RAB31: variants seen among roughly 807,000 people sequenced by gnomAD.
The protein encoded by RAB31 is RAB31, member RAS oncogene family.
In RAB31, 21 loss-of-function variants were observed where a neutral mutation model predicts 25.6. That is an observed-to-expected ratio of 0.82 (90% CI 0.58 to 1.18). The LOEUF (loss-of-function observed/expected upper bound fraction) is 1.18, where lower values mean the gene tolerates loss of function less well. Among genes scored for constraint, RAB31 ranks in the 50% most tolerant of loss-of-function variants. The pLI is 0.00. For synonymous variants in RAB31, 87 were observed against 84.0 expected, an observed-to-expected ratio of 1.04 and a Z score of -0.20; for missense variants, 196 against 250.1, an observed-to-expected ratio of 0.78 and a Z score of 1.46.
At chr18:9,817,170 G>T (rs896717650) in intron 5 of RAB31, among the ~76,000 whole-genome samples, 1 of 152,070 alleles carries the variant, frequency 6.6e-6, no homozygotes. Flanking sequence ...GGTGAGGTGG[G>T]TGGGTAGAGA....
At chr18:9,825,767 A>G (rs1172189787) in intron 5 of RAB31, among the ~76,000 whole-genome samples, 1 of 152,214 alleles carries the variant, frequency 6.6e-6, no homozygotes, top group East Asian at 1.9e-4. Flanking sequence ...CTTCCTGGAG[A>G]ATGAAAACAA....
At chr18:9,780,843 A>G (rs2068399632) in intron 2 of RAB31, among the ~76,000 whole-genome samples, 1 of 152,192 alleles carries the variant, frequency 6.6e-6, no homozygotes, top group South Asian at 2.1e-4. Context: ...AGGTAGGAGA[A>G]TCGCTCGAAC....
At chr18:9,711,119 G>A (rs2068014789) in intron 1 of RAB31, among the ~76,000 whole-genome samples, 1 of 151,838 alleles carries the variant, frequency 6.6e-6, no homozygotes, top group South Asian at 2.1e-4. Flanking sequence ...TCTCTGGGTG[G>A]GATAACATTG....
chr18:9,841,638 A>G (rs2068735088), intron 5 of RAB31, among the ~76,000 whole-genome samples: 1 of 152,002 alleles, frequency 6.6e-6, no homozygotes, highest in African/African-American at 2.4e-5. Flanking sequence ...CCATGGGCTG[A>G]GCAGAGGGGA....
chr18:9,824,131 CTG>C (rs2068637045), intron 5 of RAB31, among the ~76,000 whole-genome samples: 1 of 152,102 alleles, frequency 6.6e-6, no homozygotes, highest in Non-Finnish European at 1.5e-5. Flanking sequence ...TCCCAGAAAA[CTG>C]TATTTGATTT....
At chr18:9,715,042 G>A (rs1424599378) in intron 1 of RAB31, among the ~76,000 whole-genome samples, 1 of 152,066 alleles carries the variant, frequency 6.6e-6, no homozygotes, top group Admixed American at 6.6e-5. Flanking sequence ...GTCAGGCAGG[G>A]ATCTGGTCCC....
intron 1 of RAB31, among the ~76,000 whole-genome samples, chr18:9,774,699 G>A (rs886749486): frequency 1.3e-5 from 2 of 152,102 alleles, no homozygotes; most frequent in African/African-American, 2.4e-5. Flanking sequence ...TTGGACCCTC[G>A]TCATAATCAG....
chr18:9,829,852 A>G (rs1444646177), intron 5 of RAB31, among the ~76,000 whole-genome samples: 3 of 151,676 alleles, frequency 2.0e-5, no homozygotes, highest in African/African-American at 4.8e-5. Context: ...ATTTTTTTCT[A>G]TTGGATTGTT....
intron 1 of RAB31, among the ~76,000 whole-genome samples, chr18:9,765,163 G>T (rs2068309284): frequency 6.6e-6 from 1 of 152,162 alleles, no homozygotes; most frequent in Non-Finnish European, 1.5e-5. Context: ...ATGTTGGCCA[G>T]GCTGGTCTTG....
intron 1 of RAB31, among the ~76,000 whole-genome samples, chr18:9,720,250 C>T (rs982421731): frequency 2.6e-5 from 4 of 152,236 alleles, no homozygotes; most frequent in African/African-American, 9.6e-5. Context: ...AGGCGTGAGC[C>T]ACCACACCCA....
chr18:9,848,756 T>C (rs2068774316), intron 6 of RAB31, among the ~76,000 whole-genome samples: 1 of 152,212 alleles, frequency 6.6e-6, no homozygotes, highest in South Asian at 2.1e-4. Flanking sequence ...ATAAAAGCCC[T>C]TTAAAAAGGT....
At chr18:9,725,646 T>C (rs2068093055) in intron 1 of RAB31, among the ~76,000 whole-genome samples, 1 of 152,254 alleles carries the variant, frequency 6.6e-6, no homozygotes, top group South Asian at 2.1e-4. Flanking sequence ...GAATGGACTT[T>C]TTAAAAATAA....
At chr18:9,830,956 T>C (rs990414977) in intron 5 of RAB31, among the ~76,000 whole-genome samples, 1 of 152,248 alleles carries the variant, frequency 6.6e-6, no homozygotes, top group African/African-American at 2.4e-5. Flanking sequence ...ACTGTTTTCC[T>C]ACTGACCTGC....
In RAB31 at chr18:9,719,314, TATATATATATATATAAATAA is replaced by T. The variant is rs1417848375; in HGVS notation, c.39+10874_39+10893del. Among the ~76,000 whole-genome samples, 51 of 68,806 alleles carry T rather than the reference TATATATATATATATAAATAA, an allele frequency of 7.4e-4. 3 individuals carry two copies. Among genetic ancestry groups the T allele is most frequent in the South Asian group, 2.1e-3 (4 of 1,902 alleles). The allele number at this position is 68,806 out of a possible 152,430, so 45.1% of individuals were successfully genotyped here. On this transcript the variant is annotated intron_variant, in intron 1 of 6. Transcript: ENST00000578921. ...AAAAAAAAAAATATATATATATATATATATATATATATATAAATAAATAAATTTGATCTAATTATGAGGGA... is the reference window on the plus strand; with the variant it reads ...AAAAAAAAAAATATATATATATATATATAAATTTGATCTAATTATGAGGGA...
At chr18:9,831,795 G>C (rs974296349) in intron 5 of RAB31, among the ~76,000 whole-genome samples, 5 of 152,188 alleles carry the variant, frequency 3.3e-5, no homozygotes, top group African/African-American at 4.8e-5. Context: ...CAGTTTTCTC[G>C]AACACGGGGT....
chr18:9,747,486 C>T (rs912009819), intron 1 of RAB31, among the ~76,000 whole-genome samples: 1 of 152,118 alleles, frequency 6.6e-6, no homozygotes, highest in African/African-American at 2.4e-5. Flanking sequence ...AATGGATGAG[C>T]AAATTGTGAT....
chr18:9,720,379 G>T (rs556589891), intron 1 of RAB31, among the ~76,000 whole-genome samples: 3 of 152,302 alleles, frequency 2.0e-5, no homozygotes, highest in Admixed American at 6.5e-5. Flanking sequence ...GGAAAAGTTA[G>T]GTAACAGTAC....
intron 1 of RAB31, among the ~76,000 whole-genome samples, chr18:9,717,466 T>C (rs974663891): frequency 2.6e-5 from 4 of 152,172 alleles, no homozygotes; most frequent in African/African-American, 9.7e-5. Context: ...GGGAGGTCAT[T>C]TCCCTTCTAT....
chr18:9,783,212 A>G (rs1176855590), intron 2 of RAB31, among the ~76,000 whole-genome samples: 1 of 152,150 alleles, frequency 6.6e-6, no homozygotes, highest in Non-Finnish European at 1.5e-5. Flanking sequence ...CTTCTATTCA[A>G]TGCAGAGTAG....
Sources: allele counts gnomAD v4.1 joint callset (sites outside exome capture counted in the v4.1 genomes callset), GRCh38; gene constraint gnomAD v4.1.1; transcripts MANE v1.5; gene names NCBI Gene and HGNC (gene_info 2026-07-23, HGNC 2026-07-21).